CRTAC1: variants seen among roughly 807,000 people sequenced by gnomAD.
The protein encoded by CRTAC1 is acidic secreted protein in cartilage.
Under a neutral mutation model 67.8 loss-of-function variants are expected in CRTAC1, and 37 were observed. The ratio of observed to expected loss-of-function variants is 0.55; its 90% CI spans 0.42 to 0.72. The LOEUF is 0.72. Among genes scored for constraint, CRTAC1 ranks in the 30% least tolerant of loss-of-function variants. The probability of loss-of-function intolerance (pLI) is 0.00; values close to 1 mark genes in which losing one functional copy is unlikely to be tolerated. For synonymous variants in CRTAC1, 348 were observed against 371.0 expected (o/e 0.94, Z 0.71); for missense variants, 780 against 931.6 (o/e 0.84, Z 2.12).
At chr10:97,885,043 T>G (rs907057258) in intron 11 of CRTAC1, among the ~76,000 whole-genome samples, 2 of 152,186 alleles carry the variant, frequency 1.3e-5, no homozygotes, top group Non-Finnish European at 2.9e-5. Flanking sequence ...CCCAGTCCAG[T>G]TGGGGAGACA....
intron 3 of CRTAC1, among the ~76,000 whole-genome samples, chr10:97,928,790 A>G (rs991392970): frequency 6.6e-6 from 1 of 152,004 alleles, no homozygotes; most frequent in Non-Finnish European, 1.5e-5. Flanking sequence ...CAGAGGGGAC[A>G]TTGAGTTTGC....
intron 2 of CRTAC1, among the ~76,000 whole-genome samples, chr10:97,950,272 G>GAGAGAGAT (rs1564908756): frequency 4.6e-5 from 7 of 151,672 alleles, no homozygotes; most frequent in Non-Finnish European, 1.0e-4. Flanking sequence ...GAGAGAGAGA[G>GAGAGAGAT]AGAGAGAGAG....
chr10:97,975,836 C>T lies in CRTAC1; in HGVS notation c.224+35302G>A, dbSNP rs1031301810. Reference sequence around the variant, plus strand: ...GCTACGCACACTCGGTGAGCGTGCTCCTGGGCCCCCAATGAGGAGCTAGCT... The same window carrying T: ...GCTACGCACACTCGGTGAGCGTGCTTCTGGGCCCCCAATGAGGAGCTAGCT... On this transcript the variant is annotated intron_variant, in intron 2 of 14. Transcript: ENST00000370597. This position sits in a 1 kb window ranked among gnomAD's most constrained non-coding sequence, Gnocchi z 4.8. 6.6e-5 allele frequency among the ~76,000 whole-genome samples: 10 copies of T among 152,188 alleles called. No individual in the cohort carries two copies. Among genetic ancestry groups the T allele is most frequent in the Non-Finnish European group, 1.3e-4 (9 of 68,022 alleles).
chr10:98,030,551 T>C lies in CRTAC1; in HGVS notation c.-79A>G. The C allele has an allele frequency of 9.6e-7, 1 of 1,039,870 alleles. No homozygotes were observed. Among genetic ancestry groups the C allele is most frequent in the Non-Finnish European group, 1.2e-6 (1 of 806,850 alleles). The allele number at this position is 1,039,870 out of a possible 1,614,324, so 64.4% of individuals were successfully genotyped here. ...CGCCTCTGCCGCCGGCGCCGCCGCC[T>C]GCTTGCTCCCAGCCCCGGTCCCGGG... On this transcript the variant is annotated 5_prime_UTR_variant, in exon 1 of 15. Transcript: ENST00000370597. The surrounding 1 kb of genome is among the most constrained non-coding windows in gnomAD (Gnocchi z 4.2).
intron 3 of CRTAC1, 75 bp downstream of exon 3, chr10:97,936,095 C>T (rs1246772338): frequency 1.4e-6 from 2 of 1,405,424 alleles, no homozygotes; most frequent in East Asian, 2.4e-5. Flanking sequence ...GGCCAGGGTT[C>T]CCATGGCCCT....
At position 97,895,816 on chromosome 10, in the gene CRTAC1, C is replaced by G; in HGVS notation, c.1317+69G>C. The stretch of plus-strand genomic sequence containing the variant: ...GCCAAGCCAGCACCCCGGCACCTTG[C>G]CCTCACCAACTCAAGGTACCCGAGA... On this transcript the variant is annotated intron_variant, in intron 10 of 14. Transcript: ENST00000370597. The surrounding 1 kb of genome is among the most constrained non-coding windows in gnomAD (Gnocchi z 4.2). 1 of 1,340,684 alleles carries G rather than the reference C, an allele frequency of 7.5e-7. No homozygotes were observed. Among genetic ancestry groups the G allele is most frequent in the Non-Finnish European group, 1.1e-6 (1 of 940,774 alleles). 83.0% of individuals were successfully genotyped at this position (1,340,684 alleles called of 1,614,324 possible).
chr10:98,030,574 G>T lies in CRTAC1; in HGVS notation c.-102C>A. 4.8e-6 allele frequency: 4 copies of T among 840,594 alleles called. No homozygotes were observed. The highest frequency in any genetic ancestry group is 6.4e-6 in the Non-Finnish European group (4 of 628,190). 52.1% of individuals were successfully genotyped at this position (840,594 alleles called of 1,614,324 possible). A position where few individuals can be genotyped will look rare whatever the true frequency, so the allele number is the denominator to read the frequency against. ...CCTGCTTGCTCCCAGCCCCGGTCCCGGGCTGGCCTCGAGCCTCCCGCCCCG... is the reference window on the plus strand; with the variant it reads ...CCTGCTTGCTCCCAGCCCCGGTCCCTGGCTGGCCTCGAGCCTCCCGCCCCG... On this transcript the variant is annotated 5_prime_UTR_variant, in exon 1 of 15. Coordinates refer to ENST00000370597, the MANE Select transcript of CRTAC1 (RefSeq NM_018058.7). This position sits in a 1 kb window ranked among gnomAD's most constrained non-coding sequence, Gnocchi z 4.2.
chr10:97,941,890 A>C (rs1434733413), intron 2 of CRTAC1, among the ~76,000 whole-genome samples: 1 of 151,954 alleles, frequency 6.6e-6, no homozygotes, highest in African/African-American at 2.4e-5. Flanking sequence ...ACCTGTGATC[A>C]CTCCTGGCCT....
intron 3 of CRTAC1, among the ~76,000 whole-genome samples, chr10:97,930,778 T>C (rs1477221147): frequency 1.3e-5 from 2 of 152,086 alleles, no homozygotes; most frequent in East Asian, 1.9e-4. Flanking sequence ...TGACTGACGC[T>C]CCCTCTCCTC....
intron 2 of CRTAC1, among the ~76,000 whole-genome samples, chr10:98,003,274 G>C (rs57608701): frequency 0.042 from 6,342 of 152,156 alleles, 447 homozygotes; most frequent in African/African-American, 0.14. Flanking sequence ...GTTTTCCATG[G>C]CTGCTTTGAA....
At chr10:98,028,441 C>A (rs946034189) in intron 1 of CRTAC1, among the ~76,000 whole-genome samples, 1 of 152,220 alleles carries the variant, frequency 6.6e-6, no homozygotes. Context: ...AGCGCTTGAG[C>A]ATGAGAGGCT....
chr10:97,986,624 T>G (rs1158408825), intron 2 of CRTAC1, among the ~76,000 whole-genome samples: 1 of 152,230 alleles, frequency 6.6e-6, no homozygotes, highest in African/African-American at 2.4e-5. Context: ...TACAAAATCT[T>G]AGAATTGAAA....
chr10:97,951,945 C>T (rs73332587), intron 2 of CRTAC1, among the ~76,000 whole-genome samples: 2,727 of 152,204 alleles, frequency 0.018, 72 homozygotes, highest in African/African-American at 0.061. Context: ...TAAAAAGGTG[C>T]CCAGGGGATT....
At chr10:97,916,634 T>C (rs72837948) in intron 5 of CRTAC1, among the ~76,000 whole-genome samples, 3 of 152,314 alleles carry the variant, frequency 2.0e-5, no homozygotes, top group Admixed American at 6.5e-5. Context: ...GCTGCCACTT[T>C]GGAAGCCTCT....
intron 5 of CRTAC1, among the ~76,000 whole-genome samples, chr10:97,909,949 A>T (rs1469295348): frequency 1.3e-5 from 2 of 152,186 alleles, no homozygotes; most frequent in Non-Finnish European, 2.9e-5. Context: ...GAAATAAGCC[A>T]GGCACAGAGA....
intron 2 of CRTAC1, among the ~76,000 whole-genome samples, chr10:97,945,076 A>G (rs1217142005): frequency 1.3e-5 from 2 of 152,236 alleles, no homozygotes; most frequent in Non-Finnish European, 2.9e-5. Flanking sequence ...AAAGTAGATA[A>G]TGATGACCTA....
At chr10:97,932,993 C>T (rs541689083) in intron 3 of CRTAC1, among the ~76,000 whole-genome samples, 1 of 152,314 alleles carries the variant, frequency 6.6e-6, no homozygotes, top group Admixed American at 6.5e-5. Flanking sequence ...AAAGGCTGGC[C>T]AAGGGAGGAG....
At chr10:98,009,586 T>A (rs547892653) in intron 2 of CRTAC1, among the ~76,000 whole-genome samples, 86 of 152,288 alleles carry the variant, frequency 5.6e-4, no homozygotes, top group African/African-American at 1.4e-3. Context: ...TGCATAGGGT[T>A]TATAGATACT....
At chr10:97,922,888 T>C (rs2050860454) in intron 4 of CRTAC1, among the ~76,000 whole-genome samples, 1 of 152,166 alleles carries the variant, frequency 6.6e-6, no homozygotes, top group African/African-American at 2.4e-5. Flanking sequence ...ACTTAATAAA[T>C]GTTAGTTGAG....
Sources: gnomAD v4.1 joint callset for allele counts (sites outside exome capture counted in the v4.1 genomes callset) on GRCh38, gnomAD v4.1.1 for gene constraint, Gnocchi (gnomAD v3.1) non-coding constraint, MANE v1.5 for transcripts, NCBI Gene and HGNC (gene_info 2026-07-23, HGNC 2026-07-21) for gene names.